The following VRK2 variants were observed in gnomAD, a reference collection of about 807,000 sequenced individuals.
The protein encoded by VRK2 is serine/threonine-protein kinase VRK2.
In VRK2, 60 loss-of-function variants were observed where a neutral mutation model predicts 57.6. That is an observed-to-expected ratio of 1.04 (90% CI 0.85 to 1.29). The LOEUF (loss-of-function observed/expected upper bound fraction) is 1.29, where lower values mean the gene tolerates loss of function less well. Ranked by LOEUF, VRK2 falls within the 50% of genes most tolerant of loss-of-function variation. The pLI, the probability that VRK2 is intolerant of heterozygous loss-of-function variation, is 0.00. For synonymous variants in VRK2, 231 were observed against 199.2 expected (o/e 1.16, Z -1.35); for missense variants, 705 against 588.1 (o/e 1.20, Z -2.06).
At chr2:58,158,808 A>G (rs967217122) in intron 12 of VRK2, among the ~76,000 whole-genome samples, 4 of 152,104 alleles carry the variant, frequency 2.6e-5, no homozygotes, top group African/African-American at 9.7e-5. Context: ...ATTAATATCT[A>G]TTCGGTCTAT....
At chr2:58,011,302 A>G (rs1215044830) in intron 1 of VRK2, among the ~76,000 whole-genome samples, 1 of 152,162 alleles carries the variant, frequency 6.6e-6, no homozygotes, top group Non-Finnish European at 1.5e-5. Context: ...TGCTCTACAT[A>G]TATCATCCAG....
chr2:57,934,559 G>T (rs1280592947), intron 1 of VRK2, among the ~76,000 whole-genome samples: 1 of 152,146 alleles, frequency 6.6e-6, no homozygotes, highest in Non-Finnish European at 1.5e-5. Context: ...TCTTCGTCAG[G>T]TTGAAGCCAT....
intron 7 of VRK2, among the ~76,000 whole-genome samples, chr2:58,103,221 G>A (rs1674265025): frequency 6.6e-6 from 1 of 150,448 alleles, no homozygotes; most frequent in South Asian, 2.1e-4. Context: ...AAAATAAATA[G>A]CAAAGATCAG....
rs1448124491 is a variant in VRK2 at position 58,139,749 on chromosome 2, A to C, written c.940A>C (p.Asn314His). Reference protein sequence around the residue: ...PNYQALKKILNPHGIPLGPLD... With the variant: ...PNYQALKKILHPHGIPLGPLD... ...CTATCAAGCCCTCAAGAAAATTTTG[A>C]ACCCTCATGGAATACCTTTAGGACC... is the stretch of plus-strand genomic sequence containing the variant. The change falls in exon 11 of 13, where the codon AAC (asparagine) becomes CAC (histidine). Residue 314 changes from asparagine to histidine, a missense_variant. Transcript: ENST00000340157. 6.2e-7 allele frequency: 1 copy of C among 1,613,296 alleles called. No individual in the cohort carries two copies.
chr2:57,978,816 C>T (rs942793162), intron 1 of VRK2, among the ~76,000 whole-genome samples: 9 of 150,602 alleles, frequency 6.0e-5, no homozygotes, highest in Non-Finnish European at 1.0e-4. Flanking sequence ...CCCGACCCTA[C>T]AACAGGCCCT....
Position 58,089,642 on chromosome 2 carries a change from G to T in VRK2, c.462G>T (p.Leu154=). The T allele has an allele frequency of 6.3e-7, 1 of 1,596,010 alleles. No homozygotes were observed. Among genetic ancestry groups the T allele is most frequent in the Non-Finnish European group, 8.6e-7 (1 of 1,168,486 alleles). ...ATTTATTTTCACAGTTGGATGTACT[G>T]GAATATATACATGAAAATGAATATG... ...LQLGIRMLDV[L]EYIHENEYVH... The change falls in exon 7 of 13, where the codon CTG becomes CTT. Residue 154 remains leucine (L), a synonymous_variant. Coordinates refer to ENST00000340157, the MANE Select transcript of VRK2 (RefSeq NM_006296.7).
intron 8 of VRK2, among the ~76,000 whole-genome samples, chr2:58,128,311 A>G (rs1282886767): frequency 6.6e-6 from 1 of 152,100 alleles, no homozygotes; most frequent in Admixed American, 6.6e-5. Flanking sequence ...TGGTATTAAA[A>G]CTAATGATGG....
intron 3 of VRK2, among the ~76,000 whole-genome samples, chr2:58,036,103 A>G (rs1402414112): frequency 6.6e-6 from 1 of 151,984 alleles, no homozygotes; most frequent in East Asian, 1.9e-4. Flanking sequence ...TTCAGAACTG[A>G]GATCAACATA....
chr2:58,046,483 C>T, upstream of VRK2: 1 of 985,140 alleles, frequency 1.0e-6, no homozygotes. Flanking sequence ...TACAGGAGAT[C>T]TAACACTCCT....
At chr2:58,025,438 C>A (rs909299100) in intron 1 of VRK2, among the ~76,000 whole-genome samples, 1 of 151,930 alleles carries the variant, frequency 6.6e-6, no homozygotes, top group Non-Finnish European at 1.5e-5. Context: ...TGGAGAAATC[C>A]CTAAGTAAAC....
intron 1 of VRK2, among the ~76,000 whole-genome samples, chr2:57,956,154 G>A (rs947497749): frequency 9.9e-5 from 15 of 152,170 alleles, no homozygotes; most frequent in African/African-American, 3.6e-4. Flanking sequence ...GCAAAGGACG[G>A]AGGATTGCTT....
intron 7 of VRK2, among the ~76,000 whole-genome samples, chr2:58,098,466 C>T (rs1673478768): frequency 6.6e-6 from 1 of 151,978 alleles, no homozygotes; most frequent in South Asian, 2.1e-4. Context: ...GTGGTAAATG[C>T]CCTATACAGC....
intron 1 of VRK2, among the ~76,000 whole-genome samples, chr2:58,023,067 C>T (rs770289652): frequency 1.3e-5 from 2 of 152,172 alleles, no homozygotes; most frequent in Admixed American, 6.5e-5. Context: ...AACATCACCA[C>T]CAACCATCTC....
At chr2:57,972,287 T>C (rs1033894673) in intron 1 of VRK2, among the ~76,000 whole-genome samples, 2 of 151,778 alleles carry the variant, frequency 1.3e-5, no homozygotes, top group Non-Finnish European at 2.9e-5. Flanking sequence ...TGACATAATA[T>C]TGATATTTCT....
At chr2:57,994,625 G>A (rs919084126) in intron 1 of VRK2, among the ~76,000 whole-genome samples, 25 of 152,150 alleles carry the variant, frequency 1.6e-4, no homozygotes, top group South Asian at 1.5e-3. Flanking sequence ...AATACCAGCC[G>A]TTCCCAAATT....
intron 1 of VRK2, among the ~76,000 whole-genome samples, chr2:57,939,555 C>G (rs1167559259): frequency 6.6e-6 from 1 of 151,884 alleles, no homozygotes; most frequent in Non-Finnish European, 1.5e-5. Flanking sequence ...GAGCACATTT[C>G]CTTTGGTTTA....
rs553568675 is a variant in VRK2 at position 57,978,483 on chromosome 2, C to A, written c.-438-47182C>A. Among the ~76,000 whole-genome samples, 15 of 151,026 alleles carry A rather than the reference C, an allele frequency of 9.9e-5. No homozygotes were observed. The South Asian group carries it at 3.1e-3, about 31-fold the overall frequency. On this transcript the variant is annotated intron_variant, in intron 1 of 15. Transcript: ENST00000417641. Reference sequence around the variant, plus strand: ...AATAAACATTTTATGAAATTTAAGTCATTGACATCATAAAATTAAGGCAAG... The same window carrying A: ...AATAAACATTTTATGAAATTTAAGTAATTGACATCATAAAATTAAGGCAAG...
chr2:57,994,445 C>A (rs1463527741), intron 1 of VRK2, among the ~76,000 whole-genome samples: 1 of 152,144 alleles, frequency 6.6e-6, no homozygotes, highest in Non-Finnish European at 1.5e-5. Context: ...AAAACATCTA[C>A]TGTCTACACA....
rs371889491 is a variant in VRK2, at chr2:57,972,415, C to T, written c.-438-53250C>T. On this transcript the variant is annotated intron_variant, in intron 1 of 15. Coordinates refer to the VRK2 transcript ENST00000417641. Reference sequence around the variant, plus strand: ...TGTTTATTTGCTTTATCTTACTATACACATGCAACAGTTACACGATAATAC... The same window carrying T: ...TGTTTATTTGCTTTATCTTACTATATACATGCAACAGTTACACGATAATAC... Among the ~76,000 whole-genome samples the T allele has an allele frequency of 3.5e-4, 53 of 151,890 alleles. 1 individual carries two copies. In the South Asian group the frequency reaches 0.01, roughly 29 times the overall value.
Sources: allele counts gnomAD v4.1 joint callset (sites outside exome capture counted in the v4.1 genomes callset), GRCh38; gene constraint gnomAD v4.1.1; transcripts MANE v1.5; gene names NCBI Gene and HGNC (gene_info 2026-07-23, HGNC 2026-07-21).